The following CTSV variants were observed in gnomAD, a reference collection of about 807,000 sequenced individuals.
CTSV encodes the protein cathepsin L2.
In CTSV, 33 loss-of-function variants were observed where a neutral mutation model predicts 35.6. The observed-to-expected ratio is 0.93, with a 90% CI of 0.70 to 1.24. The LOEUF (loss-of-function observed/expected upper bound fraction) is 1.24, where lower values mean the gene tolerates loss of function less well. Among genes scored for constraint, CTSV ranks in the 50% most tolerant of loss-of-function variants. CTSV has a pLI of 0.00. For synonymous variants in CTSV, 154 were observed against 147.1 expected (o/e 1.05, Z -0.34); for missense variants, 408 against 413.1 (o/e 0.99, Z 0.11).
Position 97,038,057 on chromosome 9 carries a change from GA to G in CTSV, c.-10-5del. 1 of 1,612,046 alleles carries G rather than the reference GA, an allele frequency of 6.2e-7. No homozygotes were observed. The highest frequency in any genetic ancestry group is 8.5e-7 in the Non-Finnish European group (1 of 1,178,498). On this transcript the variant is annotated splice_region_variant and splice_polypyrimidine_tract_variant and intron_variant, in intron 1 of 7. Coordinates refer to ENST00000259470, the MANE Select transcript of CTSV (RefSeq NM_001333.4). ...CGAAAGATTCATGTTTCAAAACCTA[GA>G]AAGAGAAAAGAAATGAGTATCTGAT...
chr9:97,036,481 C>A, intron 5 of CTSV, 42 bp downstream of exon 5: 1 of 1,458,452 alleles, frequency 6.9e-7, no homozygotes, highest in Non-Finnish European at 9.6e-7. Flanking sequence ...TTCCACTTTC[C>A]AAAAGCAGAG....
At position 97,037,370 on chromosome 9, in the gene CTSV, C is replaced by G; in HGVS notation, c.278G>C (p.Gly93Ala). ...CCTGAATTTCTGGTTTCGAAAGCAA[C>G]CCATCATCTGCCTGAATTCTTCATT... ...MTNEEFRQMM[G>A]CFRNQKFRKG... Residue 93 changes from glycine to alanine, a missense_variant, in exon 4 of 8, where the codon GGT becomes GCT. Coordinates refer to ENST00000259470, the MANE Select transcript of CTSV (RefSeq NM_001333.4). 6.2e-7 allele frequency: 1 copy of G among 1,614,112 alleles called. No homozygotes were observed. Among genetic ancestry groups the G allele is most frequent in the East Asian group, 2.2e-5 (1 of 44,872 alleles).
Position 97,032,943 on chromosome 9 carries a change from A to G in CTSV, c.*6T>C. 1.2e-6 allele frequency: 2 copies of G among 1,604,148 alleles called. No homozygotes were observed. The highest frequency in any genetic ancestry group is 2.2e-5 in the East Asian group (1 of 44,664). ...CTTAAGTCCTTCCTCCTCACCATCC[A>G]TCAGCTCACACATTGGGGTAGCTGG... On this transcript the variant is annotated 3_prime_UTR_variant, in exon 8 of 8. Coordinates refer to ENST00000259470, the MANE Select transcript of CTSV (RefSeq NM_001333.4).
chr9:97,036,657 C>A lies in CTSV; in HGVS notation c.487G>T (p.Glu163Ter). Residue 163 changes from glutamate to a stop codon, truncating the protein, a stop_gained, in exon 5 of 8, where the codon GAG (glutamate) becomes TAG (stop). Transcript: ENST00000259470. LOFTEE classifies it high-confidence loss of function. ...RKTGKLVSLS[E>*]QNLVDCSRPQ... ...CGCGAACAGTCCACCAGATTCTGCTCGCTCAGTGAGACAAGTTTCCCAGTT... is the reference window on the plus strand; with the variant it reads ...CGCGAACAGTCCACCAGATTCTGCTAGCTCAGTGAGACAAGTTTCCCAGTT... The A allele has an allele frequency of 6.2e-7, 1 of 1,614,010 alleles. No individual in the cohort carries two copies. The highest frequency in any genetic ancestry group is 1.3e-5 in the African/African-American group (1 of 74,982).
Position 97,032,947 on chromosome 9 carries a change from G to A in CTSV, c.*2C>T. On this transcript the variant is annotated 3_prime_UTR_variant, in exon 8 of 8. Coordinates refer to ENST00000259470, the MANE Select transcript of CTSV (RefSeq NM_001333.4). Reference sequence around the variant, plus strand: ...AGTCCTTCCTCCTCACCATCCATCAGCTCACACATTGGGGTAGCTGGCTGC... The same window carrying A: ...AGTCCTTCCTCCTCACCATCCATCAACTCACACATTGGGGTAGCTGGCTGC... The A allele has an allele frequency of 6.2e-7, 1 of 1,607,678 alleles. No homozygotes were observed. The highest frequency in any genetic ancestry group is 1.1e-5 in the South Asian group (1 of 89,990).
Position 97,031,774 on chromosome 9 carries a change from C to T in CTSV, c.*1175G>A, listed in dbSNP as rs1587732088. ...GAGGCCTCTTTTTGTAGCCCAGCCT[C>T]ATCTCTTGTGGACCTTGAACAAATT... On this transcript the variant is annotated 3_prime_UTR_variant, in exon 8 of 8. Coordinates refer to ENST00000259470, the MANE Select transcript of CTSV (RefSeq NM_001333.4). The T allele has an allele frequency of 6.6e-6, 1 of 152,372 alleles. No homozygotes were observed. Among genetic ancestry groups the T allele is most frequent in the East Asian group, 1.9e-4 (1 of 5,188 alleles). 9.4% of individuals were successfully genotyped at this position (152,372 alleles called of 1,614,324 possible). A position where few individuals can be genotyped will look rare whatever the true frequency, so the allele number is the denominator to read the frequency against.
rs368417340 is a variant in CTSV, at chr9:97,036,786, C to T, written c.397-39G>A. 17 of 1,496,378 alleles carry T rather than the reference C, an allele frequency of 1.1e-5. No individual in the cohort carries two copies. In the African/African-American group the frequency reaches 2.3e-4, roughly 20 times the overall value. The allele number at this position is 1,496,378 out of a possible 1,614,324, so 92.7% of individuals were successfully genotyped here. On this transcript the variant is annotated intron_variant, in intron 4 of 7. Transcript: ENST00000259470. ...AAAAAAAAGCTGTAAATTTACAAGA[C>T]CAATACAAATACAGTACCCCATAAT... is the stretch of plus-strand genomic sequence containing the variant.
chr9:97,037,210 G>C (rs1353140010), intron 4 of CTSV, 42 bp downstream of exon 4: 11 of 1,590,630 alleles, frequency 6.9e-6, no homozygotes, highest in Non-Finnish European at 9.4e-6. Context: ...TTCCTTCTTG[G>C]CTTTCCTGTG....
chr9:97,035,475 C>T (rs1828828996), intron 6 of CTSV, 53 bp downstream of exon 6: 2 of 1,345,178 alleles, frequency 1.5e-6, no homozygotes, highest in African/African-American at 3.0e-5. Flanking sequence ...AAGAATCAAT[C>T]ACAGTGATGC....
At chr9:97,038,871 C>T (rs1283691128) in intron 1 of CTSV, among the ~76,000 whole-genome samples, 200 bp downstream of exon 1, 1 of 152,216 alleles carries the variant, frequency 6.6e-6, no homozygotes, top group African/African-American at 2.4e-5. Flanking sequence ...TGACCTGCCC[C>T]GCCCGGGCCC....
In CTSV at chr9:97,037,570, T is replaced by C. The variant is rs1828876347; in HGVS notation, c.172A>G (p.Met58Val). 6 of 1,614,042 alleles carry C rather than the reference T, an allele frequency of 3.7e-6. No homozygotes were observed. Among genetic ancestry groups the C allele is most frequent in the Admixed American group, 1.7e-5 (1 of 60,004 alleles). ...TATTCCCCATTGTGCAGTTCAATCA[T>C]TTTCATATTCTTTTCCCACACTGCT... Reference protein sequence around the residue: ...RRAVWEKNMKMIELHNGEYSQ... With the variant: ...RRAVWEKNMKVIELHNGEYSQ... The change falls in exon 3 of 8, where the codon ATG becomes GTG. Residue 58 changes from methionine (M) to valine (V), a missense_variant. By Grantham distance (21) the Met-to-Val change is conservative. Transcript: ENST00000259470.
chr9:97,031,394 C>T lies in CTSV; in HGVS notation c.*1555G>A, dbSNP rs1248214915. 1 of 152,146 alleles carries T rather than the reference C, an allele frequency of 6.6e-6. No homozygotes were observed. Among genetic ancestry groups the T allele is most frequent in the Non-Finnish European group, 1.5e-5 (1 of 68,052 alleles). 9.4% of individuals were successfully genotyped at this position (152,146 alleles called of 1,614,324 possible). ...TCGATTAAATTTCACCAGCTCATCC[C>T]CGGTAATTTTTTATTTGACTGGAAA... On this transcript the variant is annotated 3_prime_UTR_variant, in exon 8 of 8. Coordinates refer to ENST00000259470, the MANE Select transcript of CTSV (RefSeq NM_001333.4).
At chr9:97,036,056 C>T (rs111707202) in intron 5 of CTSV, among the ~76,000 whole-genome samples, 24 of 151,674 alleles carry the variant, frequency 1.6e-4, no homozygotes, top group African/African-American at 5.1e-4. Flanking sequence ...CACCAGAGAA[C>T]TGTGCAAAGG....
intron 4 of CTSV, 85 bp from the exon 5 acceptor site, chr9:97,036,832 T>TAA (rs112026309): frequency 0.15 from 128,489 of 879,458 alleles, 4,626 homozygotes; most frequent in East Asian, 0.39. Context: ...TAATATTCTT[T>TAA]AAAAAAAAAA....
rs1216211080 is a variant in CTSV, at chr9:97,030,320, C to T, written c.*2629G>A. ...CCCAAGTGTCATAACTACACTCCCACATCAGCAAACTCCTCCCTCTTAATA... is the reference window on the plus strand; with the variant it reads ...CCCAAGTGTCATAACTACACTCCCATATCAGCAAACTCCTCCCTCTTAATA... On this transcript the variant is annotated 3_prime_UTR_variant, in exon 8 of 8. Transcript: ENST00000259470. The T allele has an allele frequency of 6.6e-6, 1 of 152,222 alleles. No homozygotes were observed. Among genetic ancestry groups the T allele is most frequent in the Non-Finnish European group, 1.5e-5 (1 of 68,032 alleles). The allele number at this position is 152,222 out of a possible 1,614,324, so 9.4% of individuals were successfully genotyped here. A position where few individuals can be genotyped will look rare whatever the true frequency, so the allele number is the denominator to read the frequency against.
In CTSV at chr9:97,034,682, C is replaced by T. The variant is rs763410496; in HGVS notation, c.905+44G>A. 1.2e-5 allele frequency: 18 copies of T among 1,443,294 alleles called. No individual in the cohort carries two copies. The South Asian group carries it at 1.9e-4, about 16-fold the overall frequency. 89.4% of individuals were successfully genotyped at this position (1,443,294 alleles called of 1,614,324 possible). On this transcript the variant is annotated intron_variant, in intron 7 of 7. Transcript: ENST00000259470. The stretch of plus-strand genomic sequence containing the variant: ...GCTTTTGTGAACTTGTATCCAAATA[C>T]TGATTTGGAACAAAAATTCCCTTTT...
rs572472533 is a variant in CTSV, at chr9:97,038,182, A to G, written c.-10-129T>C. On this transcript the variant is annotated intron_variant, in intron 1 of 7. Transcript: ENST00000259470. ...CCCAAGGACTGTGGAAGAGGCTGAAACAGGCCAAGTGGAGGTATTTGATGG... is the reference window on the plus strand; with the variant it reads ...CCCAAGGACTGTGGAAGAGGCTGAAGCAGGCCAAGTGGAGGTATTTGATGG... The G allele has an allele frequency of 1.6e-4, 163 of 1,035,896 alleles. 2 individuals carry two copies. The South Asian group carries it at 2.8e-3, about 18-fold the overall frequency. The allele number at this position is 1,035,896 out of a possible 1,614,324, so 64.2% of individuals were successfully genotyped here.
At position 97,032,770 on chromosome 9, in the gene CTSV, C is replaced by T. The variant is rs1828775471; in HGVS notation, c.*179G>A. 2.1e-6 allele frequency: 1 copy of T among 477,094 alleles called. No individual in the cohort carries two copies. The highest frequency in any genetic ancestry group is 3.7e-5 in the Admixed American group (1 of 26,828). 29.6% of individuals were successfully genotyped at this position (477,094 alleles called of 1,614,324 possible). On this transcript the variant is annotated 3_prime_UTR_variant, in exon 8 of 8. Coordinates refer to ENST00000259470, the MANE Select transcript of CTSV (RefSeq NM_001333.4). Reference sequence around the variant, plus strand: ...TTTGATATCATAAAGCTGTGTATAACAATAATTAAAGTAGTGGTAACATTT... The same window carrying T: ...TTTGATATCATAAAGCTGTGTATAATAATAATTAAAGTAGTGGTAACATTT...
At chr9:97,036,225 C>G (rs979920241) in intron 5 of CTSV, among the ~76,000 whole-genome samples, 3 of 152,198 alleles carry the variant, frequency 2.0e-5, no homozygotes, top group Non-Finnish European at 4.4e-5. Context: ...CACCCGCCAC[C>G]AGGCCGGGCT....
Sources: gnomAD v4.1 joint callset for allele counts (sites outside exome capture counted in the v4.1 genomes callset) on GRCh38, gnomAD v4.1.1 for gene constraint, MANE v1.5 for transcripts, NCBI Gene and HGNC (gene_info 2026-07-23, HGNC 2026-07-21) for gene names.